Variants in DTNA observed in about 807,000 individuals in gnomAD.
DTNA encodes the protein dystrobrevin alpha.
In DTNA, 43 loss-of-function variants were observed where a neutral mutation model predicts 100.7. That is an observed-to-expected ratio of 0.43 (90% CI 0.33 to 0.55). The LOEUF (loss-of-function observed/expected upper bound fraction) is 0.55. Ranked by LOEUF, DTNA falls within the 20% of genes least tolerant of loss-of-function variation. DTNA has a pLI of 0.04. For synonymous variants in DTNA, 349 were observed against 347.9 expected (o/e 1.00, Z -0.04); for missense variants, 798 against 953.9 (o/e 0.84, Z 2.15).
intron 1 of DTNA, among the ~76,000 whole-genome samples, chr18:34,689,302 T>C (rs576582442): frequency 6.6e-6 from 1 of 152,120 alleles, no homozygotes; most frequent in East Asian, 1.9e-4. Context: ...GTCTTTGTTG[T>C]TGGTGACCTT....
intron 1 of DTNA, among the ~76,000 whole-genome samples, chr18:34,734,145 G>A (rs527301759): frequency 6.6e-6 from 1 of 152,244 alleles, no homozygotes; most frequent in Non-Finnish European, 1.5e-5. Flanking sequence ...CTAGTTATAG[G>A]TCTAGAAGCA....
intron 1 of DTNA, among the ~76,000 whole-genome samples, chr18:34,585,483 A>G (rs1486371602): frequency 6.6e-6 from 1 of 152,214 alleles, no homozygotes; most frequent in Non-Finnish European, 1.5e-5. Context: ...AATAATGTAA[A>G]CCCTAATTAG....
intron 1 of DTNA, among the ~76,000 whole-genome samples, chr18:34,715,130 C>T (rs1260226247): frequency 6.6e-6 from 1 of 151,548 alleles, no homozygotes; most frequent in African/African-American, 2.4e-5. Flanking sequence ...GTGGGTGCAG[C>T]ACACCAGCAT....
chr18:34,795,558 T>C (rs2094933840), intron 4 of DTNA, among the ~76,000 whole-genome samples: 1 of 152,208 alleles, frequency 6.6e-6, no homozygotes, highest in East Asian at 1.9e-4. Context: ...GAATGGAACC[T>C]GGCCATGGCA....
At chr18:34,668,459 T>C (rs1458269245) in intron 1 of DTNA, among the ~76,000 whole-genome samples, 1 of 152,154 alleles carries the variant, frequency 6.6e-6, no homozygotes, top group African/African-American at 2.4e-5. Flanking sequence ...ATTTCTTGCC[T>C]TCTGCTAGCT....
At chr18:34,835,929 A>G (rs1381281557) in intron 11 of DTNA, among the ~76,000 whole-genome samples, 2 of 152,254 alleles carry the variant, frequency 1.3e-5, no homozygotes, top group African/African-American at 2.4e-5. Flanking sequence ...ACAAAGAAGC[A>G]TAAGAAGGCA....
intron 1 of DTNA, among the ~76,000 whole-genome samples, chr18:34,559,330 G>A (rs1043695870): frequency 1.3e-5 from 2 of 152,192 alleles, no homozygotes; most frequent in African/African-American, 4.8e-5. Context: ...ACTGAATCAA[G>A]TTCTGTGGAT....
intron 1 of DTNA, among the ~76,000 whole-genome samples, chr18:34,496,205 A>C (rs1601078522): frequency 7.2e-6 from 1 of 138,498 alleles, no homozygotes; most frequent in South Asian, 2.4e-4. Flanking sequence ...CCCTCCCTGC[A>C]ACACACACAC....
chr18:34,669,679 C>T (rs1289686912), intron 1 of DTNA, among the ~76,000 whole-genome samples: 7 of 152,140 alleles, frequency 4.6e-5, no homozygotes, highest in Non-Finnish European at 7.3e-5. Flanking sequence ...TTCCCCTTCA[C>T]TTATGAAGCT....
intron 1 of DTNA, among the ~76,000 whole-genome samples, chr18:34,740,863 A>G (rs2090521901): frequency 6.6e-6 from 1 of 151,536 alleles, no homozygotes; most frequent in Non-Finnish European, 1.5e-5. Context: ...GGCTGCAAAT[A>G]TTTTGTTCAT....
At chr18:34,584,028 CT>C in intron 1 of DTNA, among the ~76,000 whole-genome samples, 1 of 134,946 alleles carries the variant, frequency 7.4e-6, no homozygotes, top group Non-Finnish European at 1.8e-5. Context: ...GTAACAAACT[CT>C]ACTTTCCCTT....
chr18:34,733,423 G>C (rs1250490689), intron 1 of DTNA, among the ~76,000 whole-genome samples: 1 of 152,308 alleles, frequency 6.6e-6, no homozygotes, highest in African/African-American at 2.4e-5. Context: ...CAATGCCAGA[G>C]TGCTACACAA....
At chr18:34,558,580 A>G (rs530627829) in intron 1 of DTNA, among the ~76,000 whole-genome samples, 11 of 152,334 alleles carry the variant, frequency 7.2e-5, no homozygotes, top group African/African-American at 2.4e-4. Context: ...TGCATAATAT[A>G]TTATGTGATG....
intron 1 of DTNA, among the ~76,000 whole-genome samples, chr18:34,597,980 C>CA (rs2050989969): frequency 6.6e-6 from 1 of 151,948 alleles, no homozygotes; most frequent in South Asian, 2.1e-4. Context: ...AGGAACCACT[C>CA]AAAAAAATGT....
intron 11 of DTNA, among the ~76,000 whole-genome samples, chr18:34,830,906 T>G (rs937715224): frequency 4.6e-5 from 7 of 152,230 alleles, no homozygotes; most frequent in Admixed American, 1.3e-4. Flanking sequence ...CTAAGAGCTA[T>G]GTATGGTGAG....
intron 1 of DTNA, among the ~76,000 whole-genome samples, chr18:34,723,397 C>T (rs2085815309): frequency 6.6e-6 from 1 of 152,070 alleles, no homozygotes; most frequent in African/African-American, 2.4e-5. Context: ...ATATATTATA[C>T]ATAGACGGTA....
intron 3 of DTNA, among the ~76,000 whole-genome samples, chr18:34,767,921 G>C (rs2093573767): frequency 6.6e-6 from 1 of 152,178 alleles, no homozygotes; most frequent in African/African-American, 2.4e-5. Context: ...AATGAGTAGT[G>C]AGAAAAGCAT....
At chr18:34,538,579 T>C (rs1037496139) in intron 1 of DTNA, among the ~76,000 whole-genome samples, 2 of 152,020 alleles carry the variant, frequency 1.3e-5, no homozygotes, top group African/African-American at 4.8e-5. Flanking sequence ...ATAACCTGTT[T>C]GTTTTAGTTT....
At chr18:34,516,148 G>A (rs1198558732) in intron 1 of DTNA, among the ~76,000 whole-genome samples, 1 of 152,114 alleles carries the variant, frequency 6.6e-6, no homozygotes, top group Non-Finnish European at 1.5e-5. Flanking sequence ...TAAAGGGAAA[G>A]AGTACAAGAG....
Sources: allele counts gnomAD v4.1 joint callset (sites outside exome capture counted in the v4.1 genomes callset), GRCh38; gene constraint gnomAD v4.1.1; transcripts MANE v1.5; gene names NCBI Gene and HGNC (gene_info 2026-07-23, HGNC 2026-07-21).